DSCAM: variants seen among roughly 807,000 people sequenced by gnomAD.
DSCAM encodes cell adhesion molecule DSCAM.
A neutral mutation model predicts 217.7 loss-of-function variants in DSCAM; 47 were observed. The observed-to-expected ratio is 0.22, with a 90% CI of 0.17 to 0.28. The LOEUF (loss-of-function observed/expected upper bound fraction) is 0.28, where lower values mean the gene tolerates loss of function less well. Among genes scored for constraint, DSCAM ranks in the 10% least tolerant of loss-of-function variants. The pLI, the probability that DSCAM is intolerant of heterozygous loss-of-function variation, is 1.00. For synonymous variants in DSCAM, 1,056 were observed against 1,015.3 expected (o/e 1.04, Z -0.76); for missense variants, 2,080 against 2,618.3 (o/e 0.79, Z 4.49).
chr21:40,029,276 TTCAAGTTTCAGAC>T (rs984778957), intron 32 of DSCAM, among the ~76,000 whole-genome samples: 10 of 152,248 alleles, frequency 6.6e-5, no homozygotes, highest in Non-Finnish European at 1.2e-4. Flanking sequence ...TTAATTCAGT[TTCAAGTTTCAGAC>T]ATGCACCCTA....
At chr21:40,792,714 A>T (rs1242044399) in intron 1 of DSCAM, among the ~76,000 whole-genome samples, 4 of 152,206 alleles carry the variant, frequency 2.6e-5, no homozygotes, top group African/African-American at 9.7e-5. Flanking sequence ...AGCCTATGAT[A>T]CCTGGAGAGG....
intron 8 of DSCAM, among the ~76,000 whole-genome samples, chr21:40,324,284 T>A (rs151174180): frequency 6.6e-6 from 1 of 151,576 alleles, no homozygotes; most frequent in African/African-American, 2.4e-5. Context: ...AGGCATAAAG[T>A]AGAATTATAA....
chr21:40,839,799 C>A (rs1161602627), intron 1 of DSCAM, among the ~76,000 whole-genome samples: 1 of 152,106 alleles, frequency 6.6e-6, no homozygotes, highest in African/African-American at 2.4e-5. Flanking sequence ...ACTGCTTGCT[C>A]ACTCTTAAAT....
At chr21:40,179,184 C>CAAA (rs11286508) in intron 14 of DSCAM, 90 bp from the exon 15 acceptor site, 2,466 of 102,146 alleles carry the variant, frequency 0.024, 38 homozygotes, top group South Asian at 0.051. Flanking sequence ...AATTAAAAAC[C>CAAA]AAAAAAAAAA....
rs933847542 is a variant in DSCAM at position 40,105,814 on chromosome 21, CA to C, written c.3697-11941del. Among the ~76,000 whole-genome samples the C allele has an allele frequency of 8.9e-4, 135 of 152,244 alleles. 1 individual carries two copies. Among genetic ancestry groups the C allele is most frequent in the Admixed American group, 2.4e-3 (37 of 15,298 alleles). On this transcript the variant is annotated intron_variant, in intron 20 of 32. Coordinates refer to ENST00000400454, the MANE Select transcript of DSCAM (RefSeq NM_001389.5). ...CAAATAAATAGGCAAAAATTGCACA[CA>C]AAAAACTGAGAAGATTTAGAACCAC...
intron 4 of DSCAM, among the ~76,000 whole-genome samples, chr21:40,354,844 G>T (rs1423679535): frequency 2.5e-4 from 22 of 88,346 alleles, no homozygotes; most frequent in African/African-American, 1.1e-3. Flanking sequence ...GAGAAACTCT[G>T]TCTCAAAAAA....
intron 1 of DSCAM, among the ~76,000 whole-genome samples, chr21:40,746,861 G>T (rs1229406891): frequency 1.3e-5 from 2 of 151,866 alleles, no homozygotes; most frequent in Non-Finnish European, 3.0e-5. Flanking sequence ...AAAATCATAT[G>T]TGTCTTTTCT....
chr21:40,702,434 T>C (rs1448297071), intron 2 of DSCAM, among the ~76,000 whole-genome samples: 2 of 152,218 alleles, frequency 1.3e-5, no homozygotes, highest in African/African-American at 2.4e-5. Flanking sequence ...GTGGCTATTC[T>C]AGCTTTCTTT....
chr21:40,602,053 CTTTTTTTTTTTTT>C (rs761687929), intron 3 of DSCAM, among the ~76,000 whole-genome samples: 1 of 89,496 alleles, frequency 1.1e-5, no homozygotes, highest in Non-Finnish European at 2.1e-5. Context: ...TCTGCTTCTA[CTTTTTTTTTTTTT>C]TTTTTTTTTT....
rs2089702596 is a variant in DSCAM at position 40,097,969 on chromosome 21, AG to A, written c.3697-4096del. ...AAAAAAAAAAAAAAGAAAGAAAGAA[AG>A]AAAGAAAGAAAGAAAGAAAGAAAGA... is the stretch of plus-strand genomic sequence containing the variant. On this transcript the variant is annotated intron_variant, in intron 20 of 32. Coordinates refer to ENST00000400454, the MANE Select transcript of DSCAM (RefSeq NM_001389.5). 7.9e-4 allele frequency among the ~76,000 whole-genome samples: 58 copies of A among 73,478 alleles called. 1 individual carries two copies. Among genetic ancestry groups the A allele is most frequent in the Non-Finnish European group, 1.2e-3 (47 of 38,492 alleles). The allele number at this position is 73,478 out of a possible 152,430, so 48.2% of individuals were successfully genotyped here.
At chr21:40,056,947 A>T (rs2089034767) in intron 28 of DSCAM, among the ~76,000 whole-genome samples, 1 of 152,218 alleles carries the variant, frequency 6.6e-6, no homozygotes, top group African/African-American at 2.4e-5. Context: ...CTTCCTTGTT[A>T]ATGAGGACTC....
intron 2 of DSCAM, among the ~76,000 whole-genome samples, chr21:40,704,871 A>G (rs113694325): frequency 4.6e-5 from 7 of 152,240 alleles, no homozygotes; most frequent in African/African-American, 1.2e-4. Context: ...TTTATAGCCA[A>G]TGAACACAGT....
chr21:40,682,794 G>A (rs1232753970), intron 3 of DSCAM, among the ~76,000 whole-genome samples: 1 of 19,852 alleles, frequency 5.0e-5, no homozygotes, highest in African/African-American at 2.7e-4. Flanking sequence ...GGGAGGGGAG[G>A]GAAGGGAAGG....
intron 3 of DSCAM, among the ~76,000 whole-genome samples, chr21:40,602,053 CT>C (rs761687929): frequency 0.017 from 1,487 of 89,510 alleles, 9 homozygotes; most frequent in African/African-American, 0.048. Flanking sequence ...TCTGCTTCTA[CT>C]TTTTTTTTTT....
intron 20 of DSCAM, among the ~76,000 whole-genome samples, chr21:40,104,552 G>C (rs998879561): frequency 6.6e-6 from 1 of 152,146 alleles, no homozygotes; most frequent in Non-Finnish European, 1.5e-5. Flanking sequence ...AGGTTAAGAG[G>C]GTGGGATGAA....
intron 30 of DSCAM, among the ~76,000 whole-genome samples, chr21:40,047,864 C>T (rs958005943): frequency 6.6e-6 from 1 of 152,188 alleles, no homozygotes; most frequent in African/African-American, 2.4e-5. Context: ...TCCTGGGTAA[C>T]AGAGGGCATT....
Position 40,026,021 on chromosome 21 carries a change from T to G in DSCAM, c.5687-12635A>C, listed in dbSNP as rs920562711. On this transcript the variant is annotated intron_variant, in intron 32 of 32. Coordinates refer to ENST00000400454, the MANE Select transcript of DSCAM (RefSeq NM_001389.5). The stretch of plus-strand genomic sequence containing the variant: ...CTTGTGGGCATTTAGTGCTATAAAT[T>G]TCCCTGTACACACTGCTTTGAATGC... Among the ~76,000 whole-genome samples the G allele has an allele frequency of 3.5e-5, 5 of 142,880 alleles. No homozygotes were observed. The Admixed American group carries it at 3.5e-4, about 10-fold the overall frequency. The allele number at this position is 142,880 out of a possible 152,430, so 93.7% of individuals were successfully genotyped here. A position where few individuals can be genotyped will look rare whatever the true frequency, so the allele number is the denominator to read the frequency against.
chr21:40,767,569 T>C (rs1473587340), intron 1 of DSCAM, among the ~76,000 whole-genome samples: 5 of 152,184 alleles, frequency 3.3e-5, no homozygotes, highest in Admixed American at 3.3e-4. Context: ...GCAAAGACCA[T>C]GTGTGCTATT....
At chr21:40,410,448 G>A (rs989387629) in intron 3 of DSCAM, among the ~76,000 whole-genome samples, 2 of 151,926 alleles carry the variant, frequency 1.3e-5, no homozygotes, top group East Asian at 1.9e-4. Flanking sequence ...AGAAGAGATA[G>A]AACAGAAAAA....
Sources: gnomAD v4.1 joint callset for allele counts (sites outside exome capture counted in the v4.1 genomes callset) on GRCh38, gnomAD v4.1.1 for gene constraint, MANE v1.5 for transcripts, NCBI Gene and HGNC (gene_info 2026-07-23, HGNC 2026-07-21) for gene names.